DAB1: variants seen among roughly 807,000 people sequenced by gnomAD.
DAB1 encodes the protein DAB adaptor protein 1.
Under a neutral mutation model 64.6 loss-of-function variants are expected in DAB1, and 15 were observed. The ratio of observed to expected loss-of-function variants is 0.23; its 90% CI spans 0.16 to 0.36. The LOEUF is 0.36. Among genes scored for constraint, DAB1 ranks in the 10% least tolerant of loss-of-function variants. DAB1 has a pLI of 1.00. For synonymous variants in DAB1, 235 were observed against 251.9 expected (o/e 0.93, Z 0.64); for missense variants, 596 against 706.7 (o/e 0.84, Z 1.78).
chr1:58,452,584 C>T (rs1384070693), intron 3 of DAB1, among the ~76,000 whole-genome samples: 3 of 148,026 alleles, frequency 2.0e-5, no homozygotes, highest in Non-Finnish European at 4.4e-5. Flanking sequence ...CCAAGGCAGG[C>T]GGATCACCTG....
At chr1:58,127,810 T>C (rs1238141484) in intron 5 of DAB1, among the ~76,000 whole-genome samples, 1 of 151,632 alleles carries the variant, frequency 6.6e-6, no homozygotes, top group Non-Finnish European at 1.5e-5. Context: ...TTCTGTTCCA[T>C]TGATCTATAT....
chr1:57,420,037 T>A (rs953816296), intron 1 of DAB1, among the ~76,000 whole-genome samples: 1 of 152,218 alleles, frequency 6.6e-6, no homozygotes, highest in Non-Finnish European at 1.5e-5. Context: ...ACAGAGTAAA[T>A]AGATGTGAAC....
At chr1:57,732,785 G>A (rs1191055484) in intron 6 of DAB1, among the ~76,000 whole-genome samples, 1 of 152,156 alleles carries the variant, frequency 6.6e-6, no homozygotes, top group Non-Finnish European at 1.5e-5. Context: ...ACAGGAGAGA[G>A]GAGAGACTGG....
At chr1:58,420,421 C>G (rs1644760975) in intron 3 of DAB1, among the ~76,000 whole-genome samples, 1 of 152,110 alleles carries the variant, frequency 6.6e-6, no homozygotes, top group South Asian at 2.1e-4. Context: ...CTCCCTTGGC[C>G]CATCAGGTCT....
At chr1:57,014,793 T>G (rs1646370262) in intron 12 of DAB1, 90 bp downstream of exon 12, 1 of 1,054,230 alleles carries the variant, frequency 9.5e-7, no homozygotes. Flanking sequence ...TTAATGCAAG[T>G]GAGATGAGTT....
chr1:57,011,825 A>AC (rs1177421674), intron 12 of DAB1, among the ~76,000 whole-genome samples: 2 of 152,226 alleles, frequency 1.3e-5, no homozygotes, highest in African/African-American at 4.8e-5. Flanking sequence ...AAGGAAAGTG[A>AC]AGTTTGCTAA....
At chr1:57,053,590 CA>C (rs1321933024) in intron 9 of DAB1, among the ~76,000 whole-genome samples, 2 of 149,442 alleles carry the variant, frequency 1.3e-5, no homozygotes, top group Admixed American at 1.3e-4. Context: ...TCCAACTGAT[CA>C]ATTCGACAAT....
intron 2 of DAB1, among the ~76,000 whole-genome samples, chr1:57,220,567 G>A (rs1200411428): frequency 6.6e-6 from 1 of 152,094 alleles, no homozygotes; most frequent in South Asian, 2.1e-4. Context: ...TATAACACAT[G>A]CTCCCCATCA....
At chr1:58,489,301 C>T (rs1033128282) in intron 3 of DAB1, among the ~76,000 whole-genome samples, 14 of 152,214 alleles carry the variant, frequency 9.2e-5, no homozygotes, top group African/African-American at 2.9e-4. Context: ...TTATATCCCA[C>T]GCCTGGCTCA....
chr1:57,208,403 T>C (rs1665756593), intron 2 of DAB1, among the ~76,000 whole-genome samples: 1 of 152,210 alleles, frequency 6.6e-6, no homozygotes, highest in Non-Finnish European at 1.5e-5. Flanking sequence ...CAGTGAGGGA[T>C]GAGCATCTGC....
At chr1:57,878,525 T>C (rs1401082435) in intron 1 of DAB1, 1 of 152,198 alleles carries the variant, frequency 6.6e-6, no homozygotes, top group Non-Finnish European at 1.5e-5. Flanking sequence ...AGGAAGACTA[T>C]GTCTGTTTCA....
chr1:57,932,783 A>G (rs1422442150), intron 5 of DAB1, among the ~76,000 whole-genome samples: 1 of 152,158 alleles, frequency 6.6e-6, no homozygotes, highest in African/African-American at 2.4e-5. Context: ...TAGTGTTAGC[A>G]TGGTTTGTCT....
intron 7 of DAB1, among the ~76,000 whole-genome samples, chr1:57,495,145 TG>T (rs1489103610): frequency 6.6e-6 from 1 of 152,126 alleles, no homozygotes; most frequent in African/African-American, 2.4e-5. Context: ...CAAAGCTCAA[TG>T]TGAGTTAATA....
At chr1:58,036,949 A>G (rs568611641) in intron 5 of DAB1, among the ~76,000 whole-genome samples, 1 of 152,300 alleles carries the variant, frequency 6.6e-6, no homozygotes, top group South Asian at 2.1e-4. Context: ...ATCAATCATT[A>G]GTTGACTTCT....
intron 4 of DAB1, among the ~76,000 whole-genome samples, chr1:58,258,520 T>C (rs1456539565): frequency 6.6e-6 from 1 of 152,150 alleles, no homozygotes; most frequent in Non-Finnish European, 1.5e-5. Flanking sequence ...CTGTCTGGAC[T>C]CATTTTTCAT....
At chr1:57,508,007 T>A (rs928331101) in intron 7 of DAB1, among the ~76,000 whole-genome samples, 3 of 152,248 alleles carry the variant, frequency 2.0e-5, no homozygotes, top group Admixed American at 1.3e-4. Context: ...TAAGTAGGTA[T>A]GGACTGTGGC....
intron 7 of DAB1, among the ~76,000 whole-genome samples, chr1:57,637,901 T>C (rs906958130): frequency 6.6e-6 from 1 of 152,174 alleles, no homozygotes; most frequent in African/African-American, 2.4e-5. Flanking sequence ...AAATGAATTA[T>C]AGTGGATCGA....
At chr1:57,065,956 T>G (rs532016953) in intron 8 of DAB1, among the ~76,000 whole-genome samples, 135 of 152,350 alleles carry the variant, frequency 8.9e-4, no homozygotes, top group Middle Eastern at 3.4e-3. Flanking sequence ...AATCTTTTTT[T>G]TGTGTGTAAG....
At chr1:57,716,788 G>A (rs906985700) in intron 6 of DAB1, among the ~76,000 whole-genome samples, 1 of 152,198 alleles carries the variant, frequency 6.6e-6, no homozygotes, top group East Asian at 1.9e-4. Flanking sequence ...TCAGTAAAGT[G>A]AAGAGACCAA....
Sources: allele counts gnomAD v4.1 joint callset (sites outside exome capture counted in the v4.1 genomes callset), GRCh38; gene constraint gnomAD v4.1.1; transcripts MANE v1.5; gene names NCBI Gene and HGNC (gene_info 2026-07-23, HGNC 2026-07-21).